B3GLCT: variants seen among roughly 807,000 people sequenced by gnomAD.
B3GLCT encodes beta-1,3-glucosyltransferase.
B3GLCT carries 65 observed loss-of-function variants against 63.4 expected under a neutral mutation model. That is an observed-to-expected ratio of 1.03 (90% CI 0.84 to 1.26). The LOEUF (loss-of-function observed/expected upper bound fraction) is 1.26. Among genes scored for constraint, B3GLCT ranks in the 50% most tolerant of loss-of-function variants. B3GLCT has a pLI of 0.00. For missense variants in B3GLCT, 577 were observed against 604.8 expected, an observed-to-expected ratio of 0.95 and a Z score of 0.48; for synonymous variants, 233 against 219.2, an observed-to-expected ratio of 1.06 and a Z score of -0.55.
At chr13:31,240,478 C>T (rs12868127) in intron 4 of B3GLCT, among the ~76,000 whole-genome samples, 324 of 138,488 alleles carry the variant, frequency 2.3e-3, no homozygotes, top group Admixed American at 2.9e-3. Flanking sequence ...TTTTTTTTTT[C>T]TTTTTTTTTT....
At chr13:31,268,845 C>T (rs2137845261) in intron 7 of B3GLCT, among the ~76,000 whole-genome samples, 1 of 152,274 alleles carries the variant, frequency 6.6e-6, no homozygotes, top group East Asian at 1.9e-4. Context: ...CAAAAAGTGG[C>T]CATTGTCTTT....
chr13:31,259,478 A>G lies in B3GLCT; in HGVS notation c.460-1468A>G, dbSNP rs543029247. 6.0e-4 allele frequency among the ~76,000 whole-genome samples: 91 copies of G among 151,884 alleles called. 2 individuals carry two copies. The South Asian group carries it at 0.011, about 18-fold the overall frequency. ...ACTCCAACCTTGATCTCCCGGCACT[A>G]CAGTACTGCTAAAGGCTTTGCTCAG... On this transcript the variant is annotated intron_variant, in intron 6 of 14. Transcript: ENST00000343307.
At chr13:31,310,005 C>T (rs1874622948) in intron 12 of B3GLCT, among the ~76,000 whole-genome samples, 1 of 152,052 alleles carries the variant, frequency 6.6e-6, no homozygotes, top group Non-Finnish European at 1.5e-5. Flanking sequence ...AAGAGGCACA[C>T]AAATTCCTAG....
At chr13:31,329,035 A>G (rs1875780328) in intron 14 of B3GLCT, among the ~76,000 whole-genome samples, 1 of 152,162 alleles carries the variant, frequency 6.6e-6, no homozygotes, top group African/African-American at 2.4e-5. Flanking sequence ...CTTTCTTCGA[A>G]TGACATCACC....
At chr13:31,320,004 A>G (rs1875256771) in intron 13 of B3GLCT, among the ~76,000 whole-genome samples, 1 of 151,844 alleles carries the variant, frequency 6.6e-6, no homozygotes, top group South Asian at 2.1e-4. Flanking sequence ...TTCCATCAAT[A>G]CTTCTCTCTA....
Position 31,213,885 on chromosome 13 carries a change from T to G in B3GLCT, c.71-1166T>G, listed in dbSNP as rs556190491. On this transcript the variant is annotated intron_variant, in intron 1 of 14. Coordinates refer to ENST00000343307, the MANE Select transcript of B3GLCT (RefSeq NM_194318.4). ...CATAGAGGTTCACATGGCTTACATTTCAGTTTCACCCTGCCTTTTGAAATG... is the reference window on the plus strand; with the variant it reads ...CATAGAGGTTCACATGGCTTACATTGCAGTTTCACCCTGCCTTTTGAAATG... 1.6e-3 allele frequency among the ~76,000 whole-genome samples: 237 copies of G among 152,258 alleles called. 2 individuals are homozygous for G. Among genetic ancestry groups the G allele is most frequent in the Non-Finnish European group, 2.7e-3 (185 of 68,014 alleles).
intron 4 of B3GLCT, among the ~76,000 whole-genome samples, chr13:31,233,193 G>A (rs914707558): frequency 2.0e-5 from 3 of 152,052 alleles, no homozygotes; most frequent in African/African-American, 7.3e-5. Flanking sequence ...ATGGATAATG[G>A]CCAACCTCCC....
At chr13:31,326,087 C>T (rs1389662874) in intron 14 of B3GLCT, among the ~76,000 whole-genome samples, 2 of 151,988 alleles carry the variant, frequency 1.3e-5, no homozygotes, top group African/African-American at 4.8e-5. Context: ...CTGGAAATTT[C>T]CCGAAAAGTT....
At chr13:31,271,126 C>T (rs539656527) in intron 8 of B3GLCT, among the ~76,000 whole-genome samples, 3 of 152,364 alleles carry the variant, frequency 2.0e-5, no homozygotes, top group Non-Finnish European at 4.4e-5. Context: ...AGGCAAACCC[C>T]CTGTGCAGGT....
At chr13:31,229,345 T>C (rs764311519) in intron 4 of B3GLCT, 51 bp downstream of exon 4, 1 of 1,111,360 alleles carries the variant, frequency 9.0e-7, no homozygotes, top group Middle Eastern at 2.0e-4. Flanking sequence ...CTTGATTACC[T>C]TGATGTTTTC....
chr13:31,319,683 T>A (rs890949650), intron 13 of B3GLCT, among the ~76,000 whole-genome samples: 1 of 152,186 alleles, frequency 6.6e-6, no homozygotes, highest in African/African-American at 2.4e-5. Context: ...TGGGTGATCT[T>A]ATGGCTTGAT....
chr13:31,229,254 TAAA>T lies in B3GLCT; in HGVS notation c.236_238del (p.Lys79del). On this transcript the variant is annotated inframe_deletion, in exon 4 of 15. Transcript: ENST00000343307. ...TTTCATGCAAAGAGAGCAGAGCAGTTAAAAAAAAGCATCTTAAAGCAGGCTGCA... is the reference window on the plus strand; with the variant it reads ...TTTCATGCAAAGAGAGCAGAGCAGTTAAAAAGCATCTTAAAGCAGGCTGCA... 1.2e-6 allele frequency: 2 copies of T among 1,612,610 alleles called. No individual in the cohort carries two copies. The highest frequency in any genetic ancestry group is 1.7e-6 in the Non-Finnish European group (2 of 1,178,778).
At chr13:31,251,818 C>G (rs1028907412) in intron 6 of B3GLCT, among the ~76,000 whole-genome samples, 1 of 152,174 alleles carries the variant, frequency 6.6e-6, no homozygotes, top group Admixed American at 6.5e-5. Context: ...GGGAGAACTT[C>G]CCCAACGTAG....
At chr13:31,255,395 C>G (rs1268663052) in intron 6 of B3GLCT, among the ~76,000 whole-genome samples, 1 of 152,154 alleles carries the variant, frequency 6.6e-6, no homozygotes, top group Non-Finnish European at 1.5e-5. Flanking sequence ...TTTATAGATT[C>G]AGTGCTATCC....
At chr13:31,250,571 C>T (rs985411520) in intron 6 of B3GLCT, among the ~76,000 whole-genome samples, 1 of 152,256 alleles carries the variant, frequency 6.6e-6, no homozygotes, top group Non-Finnish European at 1.5e-5. Flanking sequence ...CAATTTTACC[C>T]TCACAGTGTA....
In B3GLCT at chr13:31,284,679, G is replaced by C. The variant is rs1250504317; in HGVS notation, c.882G>C (p.Gln294His). ...IPIVKQTWES[Q>H]ASLIEYYSDY... ...TTGTTAAGCAGACTTGGGAGAGCCA[G>C]GCAAGTCTCATTGAATACTATAGTG... Residue 294 changes from glutamine to histidine, a missense_variant, in exon 11 of 15, where the codon CAG (glutamine) becomes CAC (histidine). Transcript: ENST00000343307. The C allele has an allele frequency of 6.2e-7, 1 of 1,610,898 alleles. No individual in the cohort carries two copies. The highest frequency in any genetic ancestry group is 1.1e-5 in the South Asian group (1 of 91,012).
At chr13:31,269,352 A>T in intron 8 of B3GLCT, 75 bp downstream of exon 8, 5 of 1,135,992 alleles carry the variant, frequency 4.4e-6, no homozygotes, top group Non-Finnish European at 6.6e-6. Flanking sequence ...GGTATTTTGC[A>T]TTCCCTAATC....
chr13:31,274,260 C>G (rs1051191890), intron 8 of B3GLCT, among the ~76,000 whole-genome samples: 1 of 152,168 alleles, frequency 6.6e-6, no homozygotes, highest in Non-Finnish European at 1.5e-5. Flanking sequence ...CCGCATACTT[C>G]GGAATTTTTT....
chr13:31,288,331 C>T (rs779987911), intron 12 of B3GLCT, among the ~76,000 whole-genome samples: 19 of 152,162 alleles, frequency 1.2e-4, no homozygotes, highest in Non-Finnish European at 2.5e-4. Flanking sequence ...CCACTACTGC[C>T]ATCATTCACA....
Sources: gnomAD v4.1 joint callset for allele counts (sites outside exome capture counted in the v4.1 genomes callset) on GRCh38, gnomAD v4.1.1 for gene constraint, MANE v1.5 for transcripts, NCBI Gene and HGNC (gene_info 2026-07-23, HGNC 2026-07-21) for gene names.